Variants in USH2A observed in about 807,000 individuals in gnomAD.
USH2A encodes the protein Usher syndrome 2A (autosomal recessive, mild).
USH2A carries 443 observed loss-of-function variants against 538.9 expected under a neutral mutation model. That is an observed-to-expected ratio of 0.82 (90% CI 0.76 to 0.89). The LOEUF is 0.89. Among genes scored for constraint, USH2A ranks in the 40% least tolerant of loss-of-function variants. The probability of loss-of-function intolerance (pLI) is 0.00; values close to 1 mark genes in which losing one functional copy is unlikely to be tolerated. For missense variants in USH2A, 6,633 were observed against 6,324.8 expected (o/e 1.05, Z -1.65); for synonymous variants, 2,413 against 2,273.5 (o/e 1.06, Z -1.75).
intron 49 of USH2A, among the ~76,000 whole-genome samples, chr1:215,799,653 A>C (rs1306224119): frequency 6.6e-6 from 1 of 152,070 alleles, no homozygotes; most frequent in African/African-American, 2.4e-5. Context: ...ATTTTACTAC[A>C]TTTCTCTTCA....
chr1:215,929,930 A>G (rs978044544), intron 38 of USH2A, among the ~76,000 whole-genome samples: 1 of 151,014 alleles, frequency 6.6e-6, no homozygotes, highest in African/African-American at 2.4e-5. Flanking sequence ...ATAAGTGGAG[A>G]GGGGGTTCAG....
At chr1:215,989,492 A>G (rs1338732355) in intron 35 of USH2A, among the ~76,000 whole-genome samples, 1 of 152,172 alleles carries the variant, frequency 6.6e-6, no homozygotes, top group Non-Finnish European at 1.5e-5. Flanking sequence ...AAGCAAGGAA[A>G]TGCACTGTAT....
intron 48 of USH2A, among the ~76,000 whole-genome samples, chr1:215,815,962 G>A (rs987876296): frequency 6.6e-6 from 1 of 151,938 alleles, no homozygotes; most frequent in Non-Finnish European, 1.5e-5. Flanking sequence ...TTATTCGTAT[G>A]CCTATACAAC....
At chr1:215,681,221 G>A (rs932693168) in intron 61 of USH2A, among the ~76,000 whole-genome samples, 3 of 151,986 alleles carry the variant, frequency 2.0e-5, no homozygotes, top group Non-Finnish European at 4.4e-5. Context: ...TGTTTCTAAA[G>A]GCCCTGGGGT....
In USH2A at chr1:216,012,924, C is replaced by A. The variant is rs554744012; in HGVS notation, c.6326-12362G>T. ...CTACTATCTTCTGTCTAGTCATACT[C>A]CTATTCACCGTTCTCAACTACTCAT... On this transcript the variant is annotated intron_variant, in intron 32 of 71. Transcript: ENST00000307340. 7.2e-3 allele frequency among the ~76,000 whole-genome samples: 1,091 copies of A among 151,844 alleles called. 14 individuals are homozygous for A. The highest frequency in any genetic ancestry group is 0.025 in the African/African-American group (1,042 of 41,478).
chr1:215,941,655 A>C (rs1666636644), intron 37 of USH2A, among the ~76,000 whole-genome samples: 1 of 152,138 alleles, frequency 6.6e-6, no homozygotes, highest in Non-Finnish European at 1.5e-5. Flanking sequence ...AACCATGCTG[A>C]ACCTGCTGAG....
intron 46 of USH2A, among the ~76,000 whole-genome samples, chr1:215,839,716 C>T (rs1242553688): frequency 6.6e-6 from 1 of 151,928 alleles, no homozygotes; most frequent in East Asian, 1.9e-4. Flanking sequence ...ATTTTGGGAC[C>T]TATTTCTAGT....
rs755231524 is a variant in USH2A, at chr1:216,364,937, G to A, written c.784+16C>T. ...AATTGGATGAAATAAATAACATTCT[G>A]AAGTCAGAAACTTACCATTTAAACT... On this transcript the variant is annotated intron_variant, in intron 4 of 71. Coordinates refer to ENST00000307340, the MANE Select transcript of USH2A (RefSeq NM_206933.4). 48 of 1,613,010 alleles carry A rather than the reference G, an allele frequency of 3.0e-5. No individual in the cohort carries two copies. In the South Asian group the frequency reaches 4.7e-4, roughly 16 times the overall value.
intron 30 of USH2A, among the ~76,000 whole-genome samples, chr1:216,063,600 T>TGGAAA: frequency 6.6e-6 from 1 of 152,102 alleles, no homozygotes; most frequent in East Asian, 1.9e-4. Flanking sequence ...ATAATAAAAC[T>TGGAAA]GGAAAGCATA....
At chr1:215,957,237 C>T (rs80322550) in intron 37 of USH2A, among the ~76,000 whole-genome samples, 1 of 152,108 alleles carries the variant, frequency 6.6e-6, no homozygotes, top group East Asian at 1.9e-4. Context: ...TAAGAACATT[C>T]TCCCACAGTT....
chr1:216,086,709 C>T lies in USH2A; in HGVS notation c.4987+10G>A, dbSNP rs565572870. The T allele has an allele frequency of 2.5e-6, 4 of 1,602,994 alleles. No homozygotes were observed. The highest frequency in any genetic ancestry group is 2.7e-5 in the African/African-American group (2 of 74,774). Reference sequence around the variant, plus strand: ...GGATGACAACATATAATATACCTTACTAAACTCACCAGGATCCTTCCTGAG... The same window carrying T: ...GGATGACAACATATAATATACCTTATTAAACTCACCAGGATCCTTCCTGAG... On this transcript the variant is annotated intron_variant, in intron 24 of 71. Coordinates refer to ENST00000307340, the MANE Select transcript of USH2A (RefSeq NM_206933.4).
chr1:216,284,275 G>A (rs1271669831), intron 11 of USH2A, among the ~76,000 whole-genome samples: 1 of 152,090 alleles, frequency 6.6e-6, no homozygotes, highest in African/African-American at 2.4e-5. Context: ...CATGTCATGG[G>A]AGGAACCAGG....
At chr1:215,869,231 C>A (rs984661004) in intron 43 of USH2A, among the ~76,000 whole-genome samples, 5 of 152,058 alleles carry the variant, frequency 3.3e-5, no homozygotes, top group African/African-American at 9.7e-5. Context: ...AGTAGGAGGA[C>A]TGAGATTCAA....
intron 26 of USH2A, 100 bp from the exon 27 acceptor site, chr1:216,078,462 A>C (rs1475481666): frequency 8.8e-7 from 1 of 1,137,262 alleles, no homozygotes; most frequent in African/African-American, 1.5e-5. Context: ...AAAGCAAAAC[A>C]GTTCCCTGAA....
intron 13 of USH2A, among the ~76,000 whole-genome samples, chr1:216,241,592 T>A (rs961975989): frequency 1.3e-5 from 2 of 151,866 alleles, no homozygotes; most frequent in African/African-American, 4.8e-5. Flanking sequence ...AGGAGTGCAA[T>A]GGCGCCATCT....
rs760716728 is a variant in USH2A, at chr1:215,674,097, T to C, written c.13811+3A>G. The C allele has an allele frequency of 5.6e-6, 9 of 1,614,066 alleles. No homozygotes were observed. Among genetic ancestry groups the C allele is most frequent in the Non-Finnish European group, 6.8e-6 (8 of 1,179,976 alleles). On this transcript the variant is annotated splice_donor_region_variant and intron_variant, in intron 63 of 71. Coordinates refer to ENST00000307340, the MANE Select transcript of USH2A (RefSeq NM_206933.4). ...CTCAGAAAACCGAGACATGGCTACC[T>C]ACCTGTGAAATGGCTTCAGCTGGTT...
chr1:216,119,645 A>G (rs2033085546), intron 21 of USH2A, among the ~76,000 whole-genome samples: 1 of 152,068 alleles, frequency 6.6e-6, no homozygotes, highest in Non-Finnish European at 1.5e-5. Context: ...TTTTCCAGGA[A>G]TTTTGACAAG....
chr1:215,879,521 G>T (rs1317637066), intron 41 of USH2A, among the ~76,000 whole-genome samples: 1 of 152,186 alleles, frequency 6.6e-6, no homozygotes, highest in Non-Finnish European at 1.5e-5. Context: ...CACTGTTAGT[G>T]TGACTGCCAA....
At chr1:215,711,722 A>G (rs114664029) in intron 61 of USH2A, among the ~76,000 whole-genome samples, 2 of 152,232 alleles carry the variant, frequency 1.3e-5, no homozygotes, top group Non-Finnish European at 2.9e-5. Flanking sequence ...TATACTGTTA[A>G]TTGGCCACCT....
Sources: gnomAD v4.1 joint callset for allele counts (sites outside exome capture counted in the v4.1 genomes callset) on GRCh38, gnomAD v4.1.1 for gene constraint, MANE v1.5 for transcripts, NCBI Gene and HGNC (gene_info 2026-07-23, HGNC 2026-07-21) for gene names.